Variants in INO80D observed in about 807,000 individuals in gnomAD.
The protein encoded by INO80D is INO80 complex subunit D.
Under a neutral mutation model 87.6 loss-of-function variants are expected in INO80D, and 21 were observed. That is an observed-to-expected ratio of 0.24 (90% CI 0.17 to 0.35). The LOEUF is 0.35. INO80D is among the 10% of genes least tolerant of loss of function. The pLI is 1.00. For synonymous variants in INO80D, 440 were observed against 491.0 expected (o/e 0.90, Z 1.37); for missense variants, 982 against 1,280.7 (o/e 0.77, Z 3.56).
chr2:206,084,240 T>TACACACACACAC (rs111836331), intron 1 of INO80D, among the ~76,000 whole-genome samples: 15 of 135,054 alleles, frequency 1.1e-4, no homozygotes, highest in Admixed American at 1.5e-4. Context: ...ATGTTATACA[T>TACACACACACAC]ACACACACAC....
At chr2:206,028,940 T>G (rs1294354891) in intron 5 of INO80D, among the ~76,000 whole-genome samples, 1 of 151,316 alleles carries the variant, frequency 6.6e-6, no homozygotes, top group Non-Finnish European at 1.5e-5. Context: ...CAGGCTGGAG[T>G]GCAGTGATGC....
At chr2:206,061,556 T>A (rs1689691876) in intron 3 of INO80D, among the ~76,000 whole-genome samples, 1 of 152,218 alleles carries the variant, frequency 6.6e-6, no homozygotes, top group Non-Finnish European at 1.5e-5. Flanking sequence ...AATACATACA[T>A]CCCTTTCTCA....
chr2:206,045,008 G>GA (rs1391990474), intron 5 of INO80D, among the ~76,000 whole-genome samples: 1 of 151,942 alleles, frequency 6.6e-6, no homozygotes, highest in African/African-American at 2.4e-5. Flanking sequence ...CTCAGTGTAA[G>GA]AAAAAAAGGT....
At chr2:206,048,056 C>G (rs1173481220) in intron 4 of INO80D, among the ~76,000 whole-genome samples, 1 of 151,886 alleles carries the variant, frequency 6.6e-6, no homozygotes, top group African/African-American at 2.4e-5. Context: ...GGGGTTTCAC[C>G]GTGCTAGCCA....
intron 1 of INO80D, among the ~76,000 whole-genome samples, chr2:206,075,524 C>T (rs536964646): frequency 4.5e-4 from 69 of 151,726 alleles, no homozygotes; most frequent in African/African-American, 1.6e-3. Context: ...GCAACCTCTG[C>T]TGCCCATTTT....
chr2:206,027,534 T>C lies in INO80D; in HGVS notation c.1298+577A>G, dbSNP rs556347907. Among the ~76,000 whole-genome samples the C allele has an allele frequency of 2.4e-3, 358 of 152,144 alleles. 4 individuals are homozygous for C. Among genetic ancestry groups the C allele is most frequent in the Non-Finnish European group, 1.7e-3 (117 of 68,010 alleles). ...GGCAATACAGCGAGACCCTCACCTC[T>C]ACAAAAAAAAATTTTTTTAATTAGC... On this transcript the variant is annotated intron_variant, in intron 6 of 10. Transcript: ENST00000403263.
intron 4 of INO80D, 76 bp from the exon 5 acceptor site, chr2:206,046,688 AATAAC>A (rs1689204721): frequency 1.1e-6 from 1 of 932,158 alleles, no homozygotes; most frequent in Non-Finnish European, 1.7e-6. Flanking sequence ...AGCTACACAA[AATAAC>A]ATAACCCAAC....
At chr2:206,036,056 G>A (rs557204937) in intron 5 of INO80D, among the ~76,000 whole-genome samples, 1 of 152,236 alleles carries the variant, frequency 6.6e-6, no homozygotes, top group African/African-American at 2.4e-5. Context: ...TCTTACTCCT[G>A]CAAGAATGGC....
At chr2:206,017,482 A>G (rs1688349554) in intron 8 of INO80D, among the ~76,000 whole-genome samples, 198 bp downstream of exon 8, 2 of 152,246 alleles carry the variant, frequency 1.3e-5, no homozygotes, top group Admixed American at 1.3e-4. Flanking sequence ...AGACATAGGA[A>G]CAAAGAGAGT....
chr2:206,005,879 T>A (rs545171657), intron 10 of INO80D, among the ~76,000 whole-genome samples: 1 of 152,300 alleles, frequency 6.6e-6, no homozygotes, highest in South Asian at 2.1e-4. Context: ...TAAAATAATA[T>A]TATCATCATT....
intron 4 of INO80D, among the ~76,000 whole-genome samples, chr2:206,047,285 C>G (rs1186003012): frequency 6.6e-6 from 1 of 152,098 alleles, no homozygotes; most frequent in South Asian, 2.1e-4. Context: ...GTGGCATGAT[C>G]TCGGCTCACT....
intron 1 of INO80D, among the ~76,000 whole-genome samples, chr2:206,072,022 A>G (rs964082539): frequency 1.3e-5 from 2 of 152,068 alleles, no homozygotes; most frequent in Non-Finnish European, 2.9e-5. Context: ...GTAGGACTGC[A>G]CAGTTTGCAA....
intron 5 of INO80D, among the ~76,000 whole-genome samples, chr2:206,039,999 A>G (rs1045840544): frequency 2.0e-5 from 3 of 151,934 alleles, no homozygotes; most frequent in East Asian, 1.9e-4. Flanking sequence ...CTTCCCACAA[A>G]AAAAAGCCCA....
At chr2:206,031,709 T>G (rs1376185096) in intron 5 of INO80D, among the ~76,000 whole-genome samples, 2 of 152,182 alleles carry the variant, frequency 1.3e-5, no homozygotes, top group African/African-American at 4.8e-5. Flanking sequence ...CAGCTCCAAC[T>G]CGGACAGACA....
chr2:206,047,537 C>T (rs982758210), intron 4 of INO80D, among the ~76,000 whole-genome samples: 2 of 151,920 alleles, frequency 1.3e-5, no homozygotes, highest in Admixed American at 6.6e-5. Flanking sequence ...AGTATCAAAA[C>T]TTAATACACT....
Position 206,000,758 on chromosome 2 carries a change from A to G in INO80D, c.*3610T>C, listed in dbSNP as rs926019004. The G allele has an allele frequency of 6.6e-6, 1 of 152,232 alleles. No homozygotes were observed. The highest frequency in any genetic ancestry group is 2.4e-5 in the African/African-American group (1 of 41,452). 9.4% of individuals were successfully genotyped at this position (152,232 alleles called of 1,614,324 possible). A position where few individuals can be genotyped will look rare whatever the true frequency, so the allele number is the denominator to read the frequency against. ...TTATAAATAATTATTTGGCAAAGATAAAGTATCAGCTTTCTTTAGCCTCAA... is the reference window on the plus strand; with the variant it reads ...TTATAAATAATTATTTGGCAAAGATGAAGTATCAGCTTTCTTTAGCCTCAA... On this transcript the variant is annotated 3_prime_UTR_variant, in exon 11 of 11. Coordinates refer to ENST00000403263, the MANE Select transcript of INO80D (RefSeq NM_017759.5).
chr2:206,007,185 T>C (rs1274093354), intron 10 of INO80D, 99 bp downstream of exon 10: 4 of 991,134 alleles, frequency 4.0e-6, no homozygotes, highest in Admixed American at 2.5e-5. Flanking sequence ...AGACATTACA[T>C]GTGAGGAGGA....
chr2:206,056,904 C>T lies in INO80D; in HGVS notation c.258G>A (p.Pro86=), dbSNP rs535743955. The part of the protein sequence containing the change: ...NSHLQVLGFI[P]KKERKKKNDP... ...CATTCTTTTTCTTCCTCTCTTTTTT[C>T]GGGATAAAGCCAAGTACCTGCAAGT... The change falls in exon 4 of 11, where the codon CCG becomes CCA. Residue 86 remains proline (P), a synonymous_variant. Transcript: ENST00000403263. 6.2e-5 allele frequency: 99 copies of T among 1,605,874 alleles called. No homozygotes were observed. The Admixed American group carries it at 8.6e-4, about 14-fold the overall frequency.
chr2:206,053,865 G>A (rs1479908438), intron 4 of INO80D, among the ~76,000 whole-genome samples: 1 of 148,792 alleles, frequency 6.7e-6, no homozygotes, highest in Admixed American at 6.7e-5. Context: ...TTGAGATGGA[G>A]TTTCGCTCTT....
Sources: allele counts gnomAD v4.1 joint callset (sites outside exome capture counted in the v4.1 genomes callset), GRCh38; gene constraint gnomAD v4.1.1; transcripts MANE v1.5; gene names NCBI Gene and HGNC (gene_info 2026-07-23, HGNC 2026-07-21).